RGS7: variants seen among roughly 807,000 people sequenced by gnomAD.
RGS7 encodes regulator of G protein signaling 7.
RGS7 carries 27 observed loss-of-function variants against 81.1 expected under a neutral mutation model. The observed-to-expected ratio is 0.33, with a 90% CI of 0.25 to 0.46. RGS7 has a LOEUF of 0.46. Among genes scored for constraint, RGS7 ranks in the 20% least tolerant of loss-of-function variants. The pLI is 1.00. For synonymous variants in RGS7, 208 were observed against 207.7 expected (o/e 1.00, Z -0.01); for missense variants, 396 against 607.4 (o/e 0.65, Z 3.66).
Position 240,868,152 on chromosome 1 carries a change from A to AAGAAAGAAAGAAAG in RGS7, c.609+434_609+435insCTTTCTTTCTTTCT, listed in dbSNP as rs1553331368. ...AAAGAAAGAAAGAAAGAAAGAAAGAAAGAAAGGACGGAGGGAGGGAAGGAC... is the reference window on the plus strand; with the variant it reads ...AAAGAAAGAAAGAAAGAAAGAAAGAAAGAAAGAAAGAAAGAGAAAGGACGGAGGGAGGGAAGGAC... On this transcript the variant is annotated intron_variant, in intron 9 of 18. Transcript: ENST00000440928. This position sits in a 1 kb window ranked among gnomAD's most constrained non-coding sequence, Gnocchi z 5.1. Among the ~76,000 whole-genome samples, 96 of 94,484 alleles carry AAGAAAGAAAGAAAG rather than the reference A, an allele frequency of 1.0e-3. 3 individuals are homozygous for AAGAAAGAAAGAAAG. Among genetic ancestry groups the AAGAAAGAAAGAAAG allele is most frequent in the African/African-American group, 3.7e-3 (92 of 24,838 alleles). The allele number at this position is 94,484 out of a possible 152,430, so 62.0% of individuals were successfully genotyped here.
chr1:241,138,099 G>A (rs2067653885), intron 2 of RGS7, among the ~76,000 whole-genome samples: 1 of 151,504 alleles, frequency 6.6e-6, no homozygotes, highest in Admixed American at 6.6e-5. Context: ...TTGAACCCGG[G>A]AGGTGGAGGT....
At chr1:241,347,948 G>A (rs1487188164) in intron 2 of RGS7, among the ~76,000 whole-genome samples, 2 of 151,952 alleles carry the variant, frequency 1.3e-5, no homozygotes, top group Admixed American at 1.3e-4. Flanking sequence ...AGCACTGTAT[G>A]CAACTGTTTA....
intron 3 of RGS7, among the ~76,000 whole-genome samples, chr1:240,988,926 G>A (rs1686055729): frequency 6.6e-6 from 1 of 152,228 alleles, no homozygotes; most frequent in East Asian, 1.9e-4. Flanking sequence ...CAATTTCTTA[G>A]AAGAACATTA....
At chr1:241,348,277 G>A (rs1378612974) in intron 2 of RGS7, among the ~76,000 whole-genome samples, 2 of 152,170 alleles carry the variant, frequency 1.3e-5, no homozygotes, top group Admixed American at 1.3e-4. Context: ...TTCCAGCTAA[G>A]ATCAGATATG....
chr1:241,084,587 C>T (rs1161655864), intron 3 of RGS7, among the ~76,000 whole-genome samples: 1 of 152,134 alleles, frequency 6.6e-6, no homozygotes, highest in East Asian at 1.9e-4. Flanking sequence ...GTCAGTCACA[C>T]TCATATGACA....
chr1:240,891,208 G>T (rs1378674107), intron 6 of RGS7, among the ~76,000 whole-genome samples: 3 of 151,784 alleles, frequency 2.0e-5, no homozygotes, highest in Non-Finnish European at 2.9e-5. Context: ...CACTGGGGGG[G>T]TGGTTATGAA....
chr1:240,904,242 G>A (rs1670468491), intron 6 of RGS7, among the ~76,000 whole-genome samples: 1 of 152,112 alleles, frequency 6.6e-6, no homozygotes, highest in Non-Finnish European at 1.5e-5. Flanking sequence ...AATTAACTAT[G>A]TGAACTAAAA....
intron 14 of RGS7, among the ~76,000 whole-genome samples, chr1:240,811,166 G>T (rs1572197431): frequency 6.6e-6 from 1 of 152,136 alleles, no homozygotes; most frequent in African/African-American, 2.4e-5. Flanking sequence ...AGTAAAAATT[G>T]GGCATCAGCT....
chr1:241,234,244 T>C (rs1026672796), intron 2 of RGS7, among the ~76,000 whole-genome samples: 1 of 152,224 alleles, frequency 6.6e-6, no homozygotes, highest in Non-Finnish European at 1.5e-5. Flanking sequence ...TGTGTCACCA[T>C]GTATAGCAAA....
chr1:240,853,849 C>T (rs1225505037), intron 9 of RGS7, among the ~76,000 whole-genome samples: 3 of 120,950 alleles, frequency 2.5e-5, no homozygotes, highest in Admixed American at 2.4e-4. Flanking sequence ...TGCAGTGAGC[C>T]GAGATCAGGC....
At chr1:241,025,872 G>T (rs1036873716) in intron 3 of RGS7, among the ~76,000 whole-genome samples, 22 of 152,152 alleles carry the variant, frequency 1.4e-4, no homozygotes, top group African/African-American at 5.1e-4. Flanking sequence ...GGAAGTTAGA[G>T]CAGGCTGGTG....
intron 3 of RGS7, among the ~76,000 whole-genome samples, chr1:241,007,453 T>C (rs569317800): frequency 6.6e-6 from 1 of 152,152 alleles, no homozygotes; most frequent in Non-Finnish European, 1.5e-5. Flanking sequence ...AGTAGTTAAG[T>C]TTTTGGGGAA....
intron 18 of RGS7, among the ~76,000 whole-genome samples, chr1:240,786,732 T>C (rs1242412197): frequency 6.6e-6 from 1 of 152,210 alleles, no homozygotes; most frequent in Non-Finnish European, 1.5e-5. Context: ...TTTTAAAAAA[T>C]GTGTCAAATA....
chr1:241,150,317 A>C (rs2068653705), intron 2 of RGS7, among the ~76,000 whole-genome samples: 1 of 152,170 alleles, frequency 6.6e-6, no homozygotes, highest in Non-Finnish European at 1.5e-5. Context: ...GGGACATTTG[A>C]GAGGAAATGT....
chr1:241,098,846 C>T (rs371581143), intron 2 of RGS7, 84 bp from the exon 3 acceptor site: 1 of 958,370 alleles, frequency 1.0e-6, no homozygotes, highest in African/African-American at 1.6e-5. Flanking sequence ...TTTTGTATTC[C>T]TGTTTTGCCC....
chr1:240,977,102 A>G (rs1684235991), intron 4 of RGS7, among the ~76,000 whole-genome samples: 1 of 134,670 alleles, frequency 7.4e-6, no homozygotes, highest in African/African-American at 2.7e-5. Flanking sequence ...ACACACACAC[A>G]CACACACACA....
chr1:240,887,760 T>G (rs1168424924), intron 6 of RGS7, among the ~76,000 whole-genome samples: 1 of 152,168 alleles, frequency 6.6e-6, no homozygotes, highest in Non-Finnish European at 1.5e-5. Context: ...ATGTAACTAG[T>G]TTTATTAAGT....
At chr1:241,044,112 G>GTTTTTTTTTTT (rs11355364) in intron 3 of RGS7, among the ~76,000 whole-genome samples, 2 of 121,114 alleles carry the variant, frequency 1.7e-5, no homozygotes, top group Non-Finnish European at 1.7e-5. Flanking sequence ...TGTTTTTTTT[G>GTTTTTTTTTTT]TTTTTTTTTT....
intron 3 of RGS7, among the ~76,000 whole-genome samples, chr1:241,044,165 G>A (rs924236298): frequency 2.7e-5 from 4 of 149,554 alleles, no homozygotes; most frequent in African/African-American, 7.4e-5. Context: ...CCAGGGTGGA[G>A]TGCAGTGGCA....
Sources: gnomAD v4.1 joint callset for allele counts (sites outside exome capture counted in the v4.1 genomes callset) on GRCh38, gnomAD v4.1.1 for gene constraint, Gnocchi (gnomAD v3.1) non-coding constraint, MANE v1.5 for transcripts, NCBI Gene and HGNC (gene_info 2026-07-23, HGNC 2026-07-21) for gene names.